The following CFAP65 variants were observed in gnomAD, a reference collection of about 807,000 sequenced individuals.
CFAP65 encodes cilia- and flagella-associated protein 65.
In CFAP65, 155 loss-of-function variants were observed where a neutral mutation model predicts 208.0. The observed-to-expected ratio is 0.75, with a 90% confidence interval of 0.65 to 0.85. The LOEUF is 0.85. Ranked by LOEUF, CFAP65 falls within the 40% of genes least tolerant of loss-of-function variation. The pLI is 0.00. For missense variants in CFAP65, 2,294 were observed against 2,451.3 expected (o/e 0.94, Z 1.36); for synonymous variants, 970 against 986.3 (o/e 0.98, Z 0.31).
chr2:219,022,620 G>A (rs73090812), intron 16 of CFAP65, among the ~76,000 whole-genome samples: 3 of 152,306 alleles, frequency 2.0e-5, no homozygotes, highest in African/African-American at 7.2e-5. Context: ...GTGGGAGCGG[G>A]ATGTCAACAT....
chr2:219,028,551 C>T, intron 11 of CFAP65, 150 bp from the exon 12 acceptor site: 1 of 693,616 alleles, frequency 1.4e-6, no homozygotes, highest in Non-Finnish European at 2.5e-6. Flanking sequence ...AAGCACTCAG[C>T]AGTGGTCTGG....
chr2:219,024,292 C>G (rs376523425), intron 14 of CFAP65, 32 bp from the exon 15 acceptor site: 15 of 1,588,892 alleles, frequency 9.4e-6, no homozygotes, highest in African/African-American at 6.7e-5. Context: ...AGCGGCCCCC[C>G]GCTCAGACCT....
intron 13 of CFAP65, 66 bp downstream of exon 13, chr2:219,027,583 AC>A: frequency 1.2e-6 from 2 of 1,612,672 alleles, no homozygotes; most frequent in South Asian, 1.1e-5. Context: ...ACTTCCTGCC[AC>A]CCCACCAAGC....
chr2:219,027,357 C>A, intron 13 of CFAP65: 1 of 1,453,384 alleles, frequency 6.9e-7, no homozygotes. Flanking sequence ...TAGCCAGGAG[C>A]CCCAGGGAGT....
Position 219,009,391 on chromosome 2 carries a change from C to G in CFAP65, c.4522G>C (p.Ala1508Pro), listed in dbSNP as rs377741306. ...CTGTAGAAGCTGGCATGCACAGAGGCCCTCAAGGTCACCACAAATGGGACC... is the reference window on the plus strand; with the variant it reads ...CTGTAGAAGCTGGCATGCACAGAGGGCCTCAAGGTCACCACAAATGGGACC... ...ETVPFVVTLR[A>P]SVHASFYSAD... Residue 1508 changes from alanine to proline, a missense_variant, in exon 28 of 35, where the codon GCC becomes CCC. Coordinates refer to ENST00000341552, the MANE Select transcript of CFAP65 (RefSeq NM_194302.4). 2.2e-5 allele frequency: 35 copies of G among 1,612,738 alleles called. No individual in the cohort carries two copies. The highest frequency in any genetic ancestry group is 2.9e-5 in the Non-Finnish European group (34 of 1,179,938).
chr2:219,034,042 A>T (rs754180595), intron 5 of CFAP65: 1 of 152,214 alleles, frequency 6.6e-6, no homozygotes, highest in African/African-American at 2.4e-5. Flanking sequence ...TTATGAATAA[A>T]TCTAACTAAG....
intron 19 of CFAP65, among the ~76,000 whole-genome samples, chr2:219,020,885 G>C (rs1645121743): frequency 1.3e-5 from 2 of 152,254 alleles, no homozygotes; most frequent in African/African-American, 4.8e-5. Flanking sequence ...AGGAAGATGA[G>C]GCCCAGCGAG....
At chr2:219,011,063 G>A in intron 24 of CFAP65, 67 bp from the exon 25 acceptor site, 1 of 1,463,446 alleles carries the variant, frequency 6.8e-7, no homozygotes, top group Non-Finnish European at 9.3e-7. Flanking sequence ...AGCCTGGGAT[G>A]CTGTGCCCAC....
In CFAP65 at chr2:219,021,160, G is replaced by C; in HGVS notation, c.3251C>G (p.Ser1084Cys). The C allele has an allele frequency of 6.4e-7, 1 of 1,565,776 alleles. No homozygotes were observed. The highest frequency in any genetic ancestry group is 8.7e-7 in the Non-Finnish European group (1 of 1,154,424). The change falls in exon 19 of 35, where the codon TCC (serine) becomes TGC (cysteine). Residue 1084 changes from serine (S) to cysteine (C), a missense_variant. Ser to Cys is a moderately radical substitution (Grantham distance 112). This residue lies in a region of CFAP65 where 1,427 missense variants were observed against 1,438.7 expected (regional missense o/e 0.99). Transcript: ENST00000341552. ...YSWTITYSLL[S>C]HRDNKAGEKQ... ...CCAGGCAGTCTAGGTACCTCTGTGG[G>C]AAAGGAGAGAGTAGGTGATGGTCCA...
chr2:219,013,778 A>T, intron 22 of CFAP65, 90 bp downstream of exon 22: 1 of 1,309,274 alleles, frequency 7.6e-7, no homozygotes, highest in Non-Finnish European at 1.1e-6. Context: ...GGGAATGGCC[A>T]TTTGGGGTGC....
At chr2:219,014,268 T>A in intron 21 of CFAP65, 1 of 407,092 alleles carries the variant, frequency 2.5e-6, no homozygotes, top group South Asian at 7.2e-5. Flanking sequence ...CCACGGCGAC[T>A]CAAGAAGTGA....
chr2:219,031,012 C>T lies in CFAP65; in HGVS notation c.1015+94G>A. Reference sequence around the variant, plus strand: ...GGCAGGAGGCCGGTGGAGGCGGGGGCCAGGCCAGATGGGAGGTGGGGGACA... The same window carrying T: ...GGCAGGAGGCCGGTGGAGGCGGGGGTCAGGCCAGATGGGAGGTGGGGGACA... On this transcript the variant is annotated intron_variant, in intron 8 of 34. Coordinates refer to ENST00000341552, the MANE Select transcript of CFAP65 (RefSeq NM_194302.4). The surrounding 1 kb of genome is among the most constrained non-coding windows in gnomAD (Gnocchi z 5.2). The T allele has an allele frequency of 1.4e-6, 2 of 1,454,734 alleles. No homozygotes were observed. The allele number at this position is 1,454,734 out of a possible 1,614,324, so 90.1% of individuals were successfully genotyped here.
At chr2:219,039,309 T>C (rs1020170196) in intron 2 of CFAP65, 2 of 266,546 alleles carry the variant, frequency 7.5e-6, no homozygotes, top group East Asian at 1.3e-4. Flanking sequence ...TCTGGCTCCC[T>C]CACCTCGAAT....
At chr2:219,023,975 C>T (rs769643595) in intron 15 of CFAP65, 40 bp downstream of exon 15, 2 of 1,595,702 alleles carry the variant, frequency 1.3e-6, no homozygotes, top group South Asian at 1.1e-5. Flanking sequence ...AGATTATGGC[C>T]CATTCCCAAG....
In CFAP65 at chr2:219,040,501, G is replaced by C; in HGVS notation, c.-3+18C>G. 7.6e-7 allele frequency: 1 copy of C among 1,314,252 alleles called. No individual in the cohort carries two copies. Among genetic ancestry groups the C allele is most frequent in the Non-Finnish European group, 1.1e-6 (1 of 930,732 alleles). 81.4% of individuals were successfully genotyped at this position (1,314,252 alleles called of 1,614,324 possible). ...AGGTACTGTGCTAGGCACCAGACAA[G>C]GCAGGCAAGGCTCCTACCTCCAATT... On this transcript the variant is annotated intron_variant, in intron 2 of 34. Transcript: ENST00000341552.
rs746002891 is a variant in CFAP65 at position 219,014,095 on chromosome 2, G to A, written c.3603-51C>T. ...AAAGAAACTGGTCAGGCAGAACAGA[G>A]AGGCAGGGGCTCTGAGACCCTGATG... On this transcript the variant is annotated intron_variant, in intron 21 of 34. Transcript: ENST00000341552. 1.3e-5 allele frequency: 19 copies of A among 1,513,226 alleles called. No homozygotes were observed. In the South Asian group the frequency reaches 2.4e-4, roughly 19 times the overall value. 93.7% of individuals were successfully genotyped at this position (1,513,226 alleles called of 1,614,324 possible).
In CFAP65 at chr2:219,030,217, C is replaced by A. The variant is rs915608595; in HGVS notation, c.1162-9G>T. On this transcript the variant is annotated splice_polypyrimidine_tract_variant and intron_variant, in intron 9 of 34. Transcript: ENST00000341552. ...CTGAAGGGGGCATTTACCTGTGTGG[C>A]CAAGCAGAAGGACAAAGGGTCAGGT... 1.2e-6 allele frequency: 2 copies of A among 1,613,190 alleles called. No homozygotes were observed. Among genetic ancestry groups the A allele is most frequent in the Non-Finnish European group, 8.5e-7 (1 of 1,179,392 alleles).
chr2:219,031,793 G>T lies in CFAP65; in HGVS notation c.646-135C>A. 1 of 982,920 alleles carries T rather than the reference G, an allele frequency of 1.0e-6. No individual in the cohort carries two copies. 60.9% of individuals were successfully genotyped at this position (982,920 alleles called of 1,614,324 possible). A position where few individuals can be genotyped will look rare whatever the true frequency, so the allele number is the denominator to read the frequency against. ...CCGTGGCACCCACGTCAGACTCTGA[G>T]GGGAGCTGGGCACCTATGTTGTCTT... is the stretch of plus-strand genomic sequence containing the variant. On this transcript the variant is annotated intron_variant, in intron 6 of 34. Transcript: ENST00000341552. The surrounding 1 kb of genome is among the most constrained non-coding windows in gnomAD (Gnocchi z 5.2).
At chr2:219,030,320 G>T in intron 9 of CFAP65, 112 bp from the exon 10 acceptor site, 1 of 1,110,926 alleles carries the variant, frequency 9.0e-7, no homozygotes, top group Middle Eastern at 2.7e-4. Context: ...GGGGCAGCTG[G>T]CATCCAGCCT....
Sources: gnomAD v4.1 joint callset for allele counts (sites outside exome capture counted in the v4.1 genomes callset) on GRCh38, gnomAD v4.1.1 for gene constraint, gnomAD v4.1.1 regional missense constraint, Gnocchi (gnomAD v3.1) non-coding constraint, MANE v1.5 for transcripts, NCBI Gene and HGNC (gene_info 2026-07-23, HGNC 2026-07-21) for gene names.